Variants in CARMIL1 observed in about 807,000 individuals in gnomAD.
CARMIL1 encodes the protein capping protein regulator and myosin 1 linker 1.
Under a neutral mutation model 177.1 loss-of-function variants are expected in CARMIL1, and 90 were observed. The ratio of observed to expected loss-of-function variants is 0.51; its 90% CI spans 0.43 to 0.61. CARMIL1 has a LOEUF of 0.61. Ranked by LOEUF, CARMIL1 falls within the 20% of genes least tolerant of loss-of-function variation. The pLI is 0.00. For missense variants in CARMIL1, 1,380 were observed against 1,667.0 expected, an observed-to-expected ratio of 0.83 and a Z score of 3.00; for synonymous variants, 577 against 606.2, an observed-to-expected ratio of 0.95 and a Z score of 0.71.
Position 25,581,367 on chromosome 6 carries a change from G to C in CARMIL1, c.2934G>C (p.Glu978Asp). The change falls in exon 31 of 37, where the codon GAG becomes GAC. Residue 978 changes from glutamate (E) to aspartate (D), a missense_variant. Coordinates refer to ENST00000329474, the MANE Select transcript of CARMIL1 (RefSeq NM_017640.6). The part of the protein sequence containing the change: ...SGFISELPSE[E>D]GKKLEHFTKL... ...TTATCTCTGAGTTGCCCTCTGAAGA[G>C]GGGAAGAAGCTGGAACACTTTACCA... 1 of 1,613,738 alleles carries C rather than the reference G, an allele frequency of 6.2e-7. No homozygotes were observed. Among genetic ancestry groups the C allele is most frequent in the Non-Finnish European group, 8.5e-7 (1 of 1,179,808 alleles).
rs187692675 is a variant in CARMIL1 at position 25,448,050 on chromosome 6, G to T, written c.372-1848G>T. On this transcript the variant is annotated intron_variant, in intron 5 of 36. Coordinates refer to ENST00000329474, the MANE Select transcript of CARMIL1 (RefSeq NM_017640.6). ...GGAAATCCCACAGCTATTTAGCCCT[G>T]AACCACCAAGAATCCATGATCTTCA... Among the ~76,000 whole-genome samples, 473 of 152,060 alleles carry T rather than the reference G, an allele frequency of 3.1e-3. 2 individuals are homozygous for T. The highest frequency in any genetic ancestry group is 0.011 in the African/African-American group (442 of 41,472).
At chr6:25,505,038 A>G (rs538148937) in intron 17 of CARMIL1, among the ~76,000 whole-genome samples, 1 of 152,374 alleles carries the variant, frequency 6.6e-6, no homozygotes, top group South Asian at 2.1e-4. Flanking sequence ...TTGACATCAT[A>G]GGTCAGTATT....
At chr6:25,334,582 G>A (rs1307758763) in intron 2 of CARMIL1, among the ~76,000 whole-genome samples, 3 of 152,104 alleles carry the variant, frequency 2.0e-5, no homozygotes, top group Admixed American at 6.5e-5. Flanking sequence ...TGTAGATTTT[G>A]TTATCATTTA....
rs1189801251 is a variant in CARMIL1 at position 25,565,736 on chromosome 6, TCAGGAGGCTGAGG to T, written c.2742+8893_2742+8905del. The stretch of plus-strand genomic sequence containing the variant: ...GGCACGTGCCTGTAATCCCAGCTGC[TCAGGAGGCTGAGG>T]CAGGAGAATTGCTTGAACCCAGGAG... On this transcript the variant is annotated intron_variant, in intron 29 of 36. Transcript: ENST00000329474. Among the ~76,000 whole-genome samples the T allele has an allele frequency of 4.6e-5, 7 of 152,226 alleles. No individual in the cohort carries two copies. The East Asian group carries it at 1.4e-3, about 29-fold the overall frequency.
At chr6:25,534,135 CAAG>C (rs1464747586) in intron 24 of CARMIL1, among the ~76,000 whole-genome samples, 2 of 148,508 alleles carry the variant, frequency 1.3e-5, no homozygotes, top group Non-Finnish European at 3.0e-5. Flanking sequence ...TTTTTTTTAA[CAAG>C]AACTACAAGA....
Position 25,600,301 on chromosome 6 carries a change from G to A in CARMIL1, c.3120-13G>A. Reference sequence around the variant, plus strand: ...GTAAAAACAACAGATCTGTGTCTTGGTTTGAAATGCAGGAAATGGTCAACA... The same window carrying A: ...GTAAAAACAACAGATCTGTGTCTTGATTTGAAATGCAGGAAATGGTCAACA... On this transcript the variant is annotated splice_polypyrimidine_tract_variant and intron_variant, in intron 32 of 36. Coordinates refer to ENST00000329474, the MANE Select transcript of CARMIL1 (RefSeq NM_017640.6). 6.3e-7 allele frequency: 1 copy of A among 1,596,014 alleles called. No individual in the cohort carries two copies. The highest frequency in any genetic ancestry group is 8.5e-7 in the Non-Finnish European group (1 of 1,172,172).
At position 25,556,458 on chromosome 6, in the gene CARMIL1, C is replaced by G. The variant is rs943709267; in HGVS notation, c.2593-243C>G. On this transcript the variant is annotated intron_variant, in intron 28 of 36. Transcript: ENST00000329474. Reference sequence around the variant, plus strand: ...TCAAATAAAATTAATAAAAAGAACACTACTATGTTGTCTCTTCATTTACTA... The same window carrying G: ...TCAAATAAAATTAATAAAAAGAACAGTACTATGTTGTCTCTTCATTTACTA... Among the ~76,000 whole-genome samples the G allele has an allele frequency of 3.3e-5, 5 of 152,228 alleles. No individual in the cohort carries two copies. The South Asian group carries it at 1.0e-3, about 32-fold the overall frequency.
chr6:25,452,000 C>T (rs544896138), intron 8 of CARMIL1: 4 of 185,042 alleles, frequency 2.2e-5, no homozygotes, highest in African/African-American at 8.8e-5. Flanking sequence ...CCCCCTCCCC[C>T]CCCCAGAATA....
Position 25,510,562 on chromosome 6 carries a change from A to G in CARMIL1, c.1533A>G (p.Ile511Met), listed in dbSNP as rs909240665. 2 of 1,558,128 alleles carry G rather than the reference A, an allele frequency of 1.3e-6. No homozygotes were observed. The highest frequency in any genetic ancestry group is 2.7e-5 in the African/African-American group (2 of 73,404). The stretch of plus-strand genomic sequence containing the variant: ...TGTGGCTCAGTAAAAACAGATCAAT[A>G]CAACACCTGGCGTTAGGCAAAAATT... ...LIVWLSKNRS[I>M]QHLALGKNFN... Residue 511 changes from isoleucine to methionine, a missense_variant, in exon 19 of 37, where the codon ATA becomes ATG. Ile to Met is a conservative substitution (Grantham distance 10, BLOSUM62 1). Transcript: ENST00000329474.
At chr6:25,362,633 T>C (rs781059528) in intron 2 of CARMIL1, among the ~76,000 whole-genome samples, 1 of 152,008 alleles carries the variant, frequency 6.6e-6, no homozygotes, top group Non-Finnish European at 1.5e-5. Flanking sequence ...GAGATCGTGC[T>C]ATTGCACTCC....
chr6:25,529,972 G>A (rs572273110), intron 24 of CARMIL1, among the ~76,000 whole-genome samples: 1 of 152,112 alleles, frequency 6.6e-6, no homozygotes, highest in South Asian at 2.1e-4. Context: ...TGAAAGCAAA[G>A]TAGGTGAAAT....
intron 2 of CARMIL1, among the ~76,000 whole-genome samples, chr6:25,419,436 A>C (rs1795644176): frequency 6.6e-6 from 1 of 152,156 alleles, no homozygotes; most frequent in Admixed American, 6.5e-5. Flanking sequence ...TCAAGATCTG[A>C]ACTCCTAGCT....
At chr6:25,537,465 C>T (rs960655287) in intron 24 of CARMIL1, among the ~76,000 whole-genome samples, 10 of 152,154 alleles carry the variant, frequency 6.6e-5, no homozygotes, top group African/African-American at 2.4e-4. Flanking sequence ...CAGTACCTAA[C>T]TCTATGTCTA....
intron 13 of CARMIL1, among the ~76,000 whole-genome samples, chr6:25,488,956 G>A (rs150467106): frequency 0.013 from 1,974 of 152,170 alleles, 26 homozygotes; most frequent in Middle Eastern, 0.024. Flanking sequence ...CACGAGGTCA[G>A]GAGATCGAGA....
chr6:25,347,340 A>G lies in CARMIL1; in HGVS notation c.138+62431A>G, dbSNP rs183079211. 1.4e-4 allele frequency among the ~76,000 whole-genome samples: 21 copies of G among 152,332 alleles called. No individual in the cohort carries two copies. In the East Asian group the frequency reaches 4.0e-3, roughly 29 times the overall value. On this transcript the variant is annotated intron_variant, in intron 2 of 36. Coordinates refer to ENST00000329474, the MANE Select transcript of CARMIL1 (RefSeq NM_017640.6). ...AACTACCTAAATTTAGCCATGTGATATTTTACCAACAGCCCATTGATCTCC... is the reference window on the plus strand; with the variant it reads ...AACTACCTAAATTTAGCCATGTGATGTTTTACCAACAGCCCATTGATCTCC...
intron 3 of CARMIL1, among the ~76,000 whole-genome samples, chr6:25,424,998 TGAAG>T (rs1368156363): frequency 1.3e-5 from 2 of 152,180 alleles, no homozygotes; most frequent in Non-Finnish European, 2.9e-5. Context: ...ATTAAAATAA[TGAAG>T]GAAGGTATGT....
intron 5 of CARMIL1, among the ~76,000 whole-genome samples, chr6:25,441,099 A>T (rs999182707): frequency 1.3e-5 from 2 of 152,134 alleles, no homozygotes; most frequent in African/African-American, 4.8e-5. Context: ...ATTCAAATCA[A>T]ATATATGAAA....
Position 25,588,148 on chromosome 6 carries a change from G to A in CARMIL1, c.3007-6267G>A, listed in dbSNP as rs117204387. Reference sequence around the variant, plus strand: ...TTTGTAGGTTATATACAAATACTATGCCATTTTATAGCAGCGACTTGAGCA... The same window carrying A: ...TTTGTAGGTTATATACAAATACTATACCATTTTATAGCAGCGACTTGAGCA... On this transcript the variant is annotated intron_variant, in intron 31 of 36. Coordinates refer to ENST00000329474, the MANE Select transcript of CARMIL1 (RefSeq NM_017640.6). Among the ~76,000 whole-genome samples, 239 of 152,258 alleles carry A rather than the reference G, an allele frequency of 1.6e-3. 3 individuals carry two copies. In the East Asian group the frequency reaches 0.021, roughly 13 times the overall value.
intron 36 of CARMIL1, among the ~76,000 whole-genome samples, chr6:25,616,133 C>A (rs900790764): frequency 2.8e-4 from 43 of 152,158 alleles, no homozygotes; most frequent in African/African-American, 9.9e-4. Flanking sequence ...CTCCAGCACT[C>A]TTAACAAATA....
Sources: gnomAD v4.1 joint callset for allele counts (sites outside exome capture counted in the v4.1 genomes callset) on GRCh38, gnomAD v4.1.1 for gene constraint, MANE v1.5 for transcripts, NCBI Gene and HGNC (gene_info 2026-07-23, HGNC 2026-07-21) for gene names.